PSMA6: variants seen among roughly 807,000 people sequenced by gnomAD.
PSMA6 encodes the protein proteasome 20S subunit alpha 6.
For synonymous variants in PSMA6, 88 were observed against 97.7 expected, an observed-to-expected ratio of 0.90 and a Z score of 0.59; for missense variants, 170 against 294.8, an observed-to-expected ratio of 0.58 and a Z score of 3.10.
At chr14:35,292,267 C>A, upstream of PSMA6, 1 of 1,376,640 alleles carries the variant, frequency 7.3e-7, no homozygotes, top group Non-Finnish European at 9.4e-7. Context: ...TCAAAGGCCT[C>A]CCGCCCTCAC....
At chr14:35,282,406 C>T (rs2051375226) in intron 1 of PSMA6, among the ~76,000 whole-genome samples, 1 of 150,298 alleles carries the variant, frequency 6.7e-6, no homozygotes, top group South Asian at 2.1e-4. Context: ...AGATAATTTT[C>T]TAACTTATTT....
Position 35,303,512 on chromosome 14 carries a change from A to G in PSMA6, c.77-4482A>G, listed in dbSNP as rs147476071. 2.5e-3 allele frequency among the ~76,000 whole-genome samples: 383 copies of G among 152,310 alleles called. 1 individual carries two copies. Among genetic ancestry groups the G allele is most frequent in the African/African-American group, 8.7e-3 (362 of 41,574 alleles). On this transcript the variant is annotated intron_variant, in intron 1 of 6. Transcript: ENST00000261479. ...CAGATTATGAGCCACAAAAATGGGA[A>G]ACTCAACTCATGCCATTCCTTTCTC...
intron 1 of PSMA6, among the ~76,000 whole-genome samples, chr14:35,281,089 T>G (rs2051361732): frequency 6.6e-6 from 1 of 152,164 alleles, no homozygotes; most frequent in Non-Finnish European, 1.5e-5. Flanking sequence ...CTATTGACCT[T>G]TCCCATCTGA....
At chr14:35,287,064 C>T (rs891509946) in intron 1 of PSMA6, among the ~76,000 whole-genome samples, 1 of 152,156 alleles carries the variant, frequency 6.6e-6, no homozygotes, top group Non-Finnish European at 1.5e-5. Context: ...CCCTTTTCTC[C>T]TCCTCCAACA....
chr14:35,295,768 A>C (rs548323646), intron 1 of PSMA6, among the ~76,000 whole-genome samples: 9 of 152,170 alleles, frequency 5.9e-5, no homozygotes, highest in Non-Finnish European at 1.2e-4. Context: ...ATTTCTCTTA[A>C]TGTACATATG....
upstream of PSMA6, among the ~76,000 whole-genome samples, chr14:35,288,922 A>T (rs1233557593): frequency 1.3e-5 from 2 of 152,182 alleles, no homozygotes; most frequent in African/African-American, 4.8e-5. Context: ...GTGGCCCAAC[A>T]CAAATTTGTA....
intron 1 of PSMA6, chr14:35,278,839 T>C (rs2051333950): frequency 3.5e-6 from 4 of 1,148,880 alleles, no homozygotes; most frequent in Non-Finnish European, 4.9e-6. Context: ...CCAAGTTGCT[T>C]TTTTTTCTAT....
chr14:35,293,043 A>G, intron 1 of PSMA6: 2 of 456,626 alleles, frequency 4.4e-6, no homozygotes. Context: ...TGTGAATGTT[A>G]CACCCTCTTC....
At chr14:35,298,981 G>A (rs953376844) in intron 1 of PSMA6, among the ~76,000 whole-genome samples, 6 of 151,916 alleles carry the variant, frequency 3.9e-5, no homozygotes, top group Non-Finnish European at 7.4e-5. Flanking sequence ...TGATCCACCT[G>A]CCTCGGCCTC....
chr14:35,287,940 T>C (rs981047779), upstream of PSMA6, among the ~76,000 whole-genome samples: 22 of 152,198 alleles, frequency 1.4e-4, 1 homozygote, highest in African/African-American at 5.1e-4. Flanking sequence ...TTGAATGGAA[T>C]TGGCAAACGT....
At chr14:35,312,098 G>A (rs1201911856) in intron 4 of PSMA6, among the ~76,000 whole-genome samples, 1 of 151,704 alleles carries the variant, frequency 6.6e-6, no homozygotes, top group Non-Finnish European at 1.5e-5. Context: ...AGGCACAGTG[G>A]TGCACACTTA....
chr14:35,301,334 G>A (rs1382543167), intron 1 of PSMA6, among the ~76,000 whole-genome samples: 1 of 151,800 alleles, frequency 6.6e-6, no homozygotes, highest in South Asian at 2.1e-4. Flanking sequence ...GTAAAACCCC[G>A]TCTCTACTAA....
intron 4 of PSMA6, among the ~76,000 whole-genome samples, chr14:35,311,956 T>G (rs548650878): frequency 1.7e-3 from 254 of 152,214 alleles, no homozygotes; most frequent in Middle Eastern, 3.4e-3. Flanking sequence ...AAGTATTTCT[T>G]GGTCAAACAA....
chr14:35,291,343 A>G (rs199781861), upstream of PSMA6, among the ~76,000 whole-genome samples: 3 of 149,018 alleles, frequency 2.0e-5, no homozygotes, highest in Admixed American at 1.3e-4. Flanking sequence ...TCAGCCTCCC[A>G]AGTATATGGG....
chr14:35,283,494 ATCT>A (rs1439151735), intron 1 of PSMA6, among the ~76,000 whole-genome samples: 1 of 151,534 alleles, frequency 6.6e-6, no homozygotes, highest in African/African-American at 2.4e-5. Context: ...TTTTTACTTC[ATCT>A]TCTTCACAGT....
intron 1 of PSMA6, among the ~76,000 whole-genome samples, chr14:35,305,700 AAAT>A (rs2051810275): frequency 6.6e-6 from 1 of 152,204 alleles, no homozygotes; most frequent in Non-Finnish European, 1.5e-5. Context: ...GTCAAAATGT[AAAT>A]AATGATTGGG....
chr14:35,309,330 G>A lies in PSMA6; in HGVS notation c.253+335G>A, dbSNP rs1189300924. On this transcript the variant is annotated intron_variant, in intron 3 of 6. Coordinates refer to ENST00000261479, the MANE Select transcript of PSMA6 (RefSeq NM_002791.3). ...CTCAAACCTGGTAATAATGGCATCG[G>A]TTAGAAGTGAGTGAGAATTATTATG... Among the ~76,000 whole-genome samples the A allele has an allele frequency of 3.9e-5, 6 of 152,304 alleles. No individual in the cohort carries two copies. The East Asian group carries it at 9.6e-4, about 24-fold the overall frequency.
intron 4 of PSMA6, among the ~76,000 whole-genome samples, chr14:35,311,591 A>G (rs971515968): frequency 2.0e-5 from 3 of 152,222 alleles, no homozygotes; most frequent in Non-Finnish European, 4.4e-5. Flanking sequence ...GTAAGTGGGT[A>G]CTTTTTTGTG....
intron 6 of PSMA6, 79 bp downstream of exon 6, chr14:35,314,534 A>T: frequency 7.2e-7 from 1 of 1,398,202 alleles, no homozygotes; most frequent in Non-Finnish European, 9.4e-7. Flanking sequence ...TTGTGGGGGA[A>T]ATCTTTTTTC....
Sources: gnomAD v4.1 joint callset for allele counts (sites outside exome capture counted in the v4.1 genomes callset) on GRCh38, gnomAD v4.1.1 for gene constraint, MANE v1.5 for transcripts, NCBI Gene and HGNC (gene_info 2026-07-23, HGNC 2026-07-21) for gene names.